MRPL45: variants seen among roughly 807,000 people sequenced by gnomAD.
The protein encoded by MRPL45 is mitochondrial ribosomal protein L45, also known as large ribosomal subunit protein mL45.
A neutral mutation model predicts 38.1 loss-of-function variants in MRPL45; 20 were observed. The ratio of observed to expected loss-of-function variants is 0.53; its 90% CI spans 0.37 to 0.76. The LOEUF is 0.76. Ranked by LOEUF, MRPL45 falls within the 30% of genes least tolerant of loss-of-function variation. MRPL45 has a pLI of 0.00. For synonymous variants in MRPL45, 105 were observed against 128.8 expected (o/e 0.82, Z 1.25); for missense variants, 337 against 395.6 (o/e 0.85, Z 1.26).
rs2036969269 is a variant in MRPL45 at position 38,299,405 on chromosome 17, T to C, written c.299T>C (p.Leu100Pro). ...PPEGDARISSLSKEGLIERTE... is the reference protein window; with the variant it reads ...PPEGDARISSPSKEGLIERTE... ...GAGGGTGATGCACGCATATCATCTC[T>C]TTCAAAGGAGGGACTGATAGAGAGA... Residue 100 changes from leucine (L) to proline (P), a missense_variant, in exon 3 of 8, where the codon CTT becomes CCT. Leu to Pro is a moderately conservative substitution (Grantham distance 98). Coordinates refer to ENST00000613675, the MANE Select transcript of MRPL45 (RefSeq NM_032351.6). 2.5e-6 allele frequency: 4 copies of C among 1,612,990 alleles called. No individual in the cohort carries two copies. The highest frequency in any genetic ancestry group is 1.1e-5 in the South Asian group (1 of 90,624).
intron 3 of MRPL45, among the ~76,000 whole-genome samples, chr17:38,301,921 T>C (rs2037000134): frequency 6.6e-6 from 1 of 150,934 alleles, no homozygotes; most frequent in Admixed American, 6.6e-5. Context: ...ATCGAGACCA[T>C]CCTGGCTAAC....
chr17:38,307,237 T>C (rs1403033701), intron 4 of MRPL45, among the ~76,000 whole-genome samples: 1 of 152,052 alleles, frequency 6.6e-6, no homozygotes, highest in African/African-American at 2.4e-5. Context: ...GGTTTCATCA[T>C]GTTGGCCAGA....
intron 4 of MRPL45, among the ~76,000 whole-genome samples, chr17:38,309,948 C>T (rs1218973182): frequency 6.6e-6 from 1 of 152,044 alleles, no homozygotes; most frequent in Non-Finnish European, 1.5e-5. Flanking sequence ...CCAAATGTGT[C>T]TTCAGCTCTT....
At chr17:38,299,714 A>G (rs1226724849) in intron 3 of MRPL45, among the ~76,000 whole-genome samples, 2 of 151,236 alleles carry the variant, frequency 1.3e-5, no homozygotes, top group Non-Finnish European at 2.9e-5. Flanking sequence ...TGGAGTGTAT[A>G]GGATCCTTTT....
intron 4 of MRPL45, among the ~76,000 whole-genome samples, chr17:38,311,177 T>C (rs2037108151): frequency 6.6e-6 from 1 of 152,188 alleles, no homozygotes; most frequent in Non-Finnish European, 1.5e-5. Context: ...AATTCCCCAT[T>C]GCCCTCTTCC....
At position 38,298,474 on chromosome 17, in the gene MRPL45, C is replaced by T. The variant is rs144913122; in HGVS notation, c.92C>T (p.Ala31Val). 1.7e-5 allele frequency: 28 copies of T among 1,613,912 alleles called. No individual in the cohort carries two copies. In the African/African-American group the frequency reaches 3.5e-4, roughly 20 times the overall value. ...CCAGTTCTGGTGACTCAGTCCGCAGCTATAGTTCCAGTAAGAACTAAAAAA... is the reference window on the plus strand; with the variant it reads ...CCAGTTCTGGTGACTCAGTCCGCAGTTATAGTTCCAGTAAGAACTAAAAAA... ...RQPVLVTQSA[A>V]IVPVRTKKRF... Residue 31 changes from alanine to valine, a missense_variant, in exon 2 of 8, where the codon GCT (alanine) becomes GTT (valine). Physicochemically the swap from Ala to Val is moderately conservative, Grantham distance 64. Coordinates refer to ENST00000613675, the MANE Select transcript of MRPL45 (RefSeq NM_032351.6).
Position 38,322,304 on chromosome 17 carries a change from G to A in MRPL45, c.834+5G>A. 1 of 1,613,812 alleles carries A rather than the reference G, an allele frequency of 6.2e-7. No homozygotes were observed. Among genetic ancestry groups the A allele is most frequent in the South Asian group, 1.1e-5 (1 of 91,068 alleles). ...CCTAAGCAGCCCATCCTTAAGGTAA[G>A]GTGGCTTGCATGGTTTAAGAGAGCT... On this transcript the variant is annotated splice_donor_5th_base_variant and intron_variant, in intron 7 of 7. Transcript: ENST00000613675.
At chr17:38,319,052 T>TA (rs2037205031) in intron 5 of MRPL45, among the ~76,000 whole-genome samples, 1 of 143,224 alleles carries the variant, frequency 7.0e-6, no homozygotes, top group Non-Finnish European at 1.5e-5. Flanking sequence ...TTTATTTATT[T>TA]TGAGATGGAG....
intron 3 of MRPL45, among the ~76,000 whole-genome samples, chr17:38,304,994 G>A (rs928145530): frequency 1.3e-5 from 2 of 151,410 alleles, no homozygotes; most frequent in Non-Finnish European, 2.9e-5. Context: ...CTACAGGCAC[G>A]TGCCATCACG....
chr17:38,307,894 C>A (rs1024579246), intron 4 of MRPL45, among the ~76,000 whole-genome samples: 10 of 151,930 alleles, frequency 6.6e-5, no homozygotes, highest in African/African-American at 2.4e-4. Context: ...CGTGATGTTG[C>A]CCAGGCTGTT....
Position 38,320,660 on chromosome 17 carries a change from T to G in MRPL45, c.553T>G (p.Phe185Val), listed in dbSNP as rs1214910361. Reference sequence around the variant, plus strand: ...CAAATATAAGACCGTCCGCTGGAGCTTTGTGGAATCTTTAGAGCCCTCTCA... The same window carrying G: ...CAAATATAAGACCGTCCGCTGGAGCGTTGTGGAATCTTTAGAGCCCTCTCA... ...DIKYKTVRWS[F>V]VESLEPSHVV... Residue 185 changes from phenylalanine to valine, a missense_variant, in exon 6 of 8, where the codon TTT (phenylalanine) becomes GTT (valine). By Grantham distance (50) the Phe-to-Val change is conservative (BLOSUM62 -1). This residue lies in a region of MRPL45 where 251 missense variants were observed against 269.1 expected (regional missense o/e 0.93). Coordinates refer to ENST00000613675, the MANE Select transcript of MRPL45 (RefSeq NM_032351.6). 20 of 1,614,174 alleles carry G rather than the reference T, an allele frequency of 1.2e-5. No homozygotes were observed. The highest frequency in any genetic ancestry group is 3.3e-4 in the Middle Eastern group (2 of 6,062).
intron 4 of MRPL45, among the ~76,000 whole-genome samples, chr17:38,317,527 A>C (rs1170441681): frequency 6.6e-6 from 1 of 152,046 alleles, no homozygotes; most frequent in Non-Finnish European, 1.5e-5. Context: ...AAAATCTTGT[A>C]TCTATAGGAG....
intron 4 of MRPL45, among the ~76,000 whole-genome samples, chr17:38,314,640 T>C (rs1215550323): frequency 6.6e-6 from 1 of 152,226 alleles, no homozygotes; most frequent in African/African-American, 2.4e-5. Flanking sequence ...AGTTTTTGTA[T>C]ATAGTGAAAA....
chr17:38,297,223 A>T lies in MRPL45; in HGVS notation c.40A>T (p.Arg14Trp), dbSNP rs2036944477. 5 of 1,613,958 alleles carry T rather than the reference A, an allele frequency of 3.1e-6. No individual in the cohort carries two copies. The South Asian group carries it at 3.3e-5, about 11-fold the overall frequency. The part of the protein sequence containing the change: ...PIPQGFSCLS[R>W]FLGWWSRQPV... ...ACCTCAAGGGTTCTCTTGTTTATCGAGGTTTTTGGGCTGGTGGTCTCGGCA... is the reference window on the plus strand; with the variant it reads ...ACCTCAAGGGTTCTCTTGTTTATCGTGGTTTTTGGGCTGGTGGTCTCGGCA... Residue 14 changes from arginine to tryptophan, a missense_variant, in exon 1 of 8, where the codon AGG becomes TGG. This residue lies in a region of MRPL45 where 26 missense variants were observed against 16.9 expected (regional missense o/e 1.54). Transcript: ENST00000613675.
chr17:38,322,398 C>A, intron 7 of MRPL45, 99 bp downstream of exon 7: 1 of 1,355,466 alleles, frequency 7.4e-7, no homozygotes, highest in Non-Finnish European at 1.0e-6. Context: ...GGGTGATGCA[C>A]CACCCAGGAA....
At chr17:38,305,745 C>T (rs1022461241) in intron 3 of MRPL45, among the ~76,000 whole-genome samples, 4 of 150,956 alleles carry the variant, frequency 2.6e-5, no homozygotes, top group African/African-American at 7.3e-5. Flanking sequence ...TGGGTTCAAG[C>T]GATTCTTGTG....
chr17:38,319,136 C>T (rs1486261641), intron 5 of MRPL45, among the ~76,000 whole-genome samples: 3 of 151,670 alleles, frequency 2.0e-5, no homozygotes, highest in East Asian at 1.9e-4. Flanking sequence ...CCCGGGTTCA[C>T]GCCATTCTCC....
intron 4 of MRPL45, among the ~76,000 whole-genome samples, chr17:38,313,313 T>A (rs1482780980): frequency 0.5 from 3,807 of 7,652 alleles, 347 homozygotes; most frequent in Middle Eastern, 0.65. Context: ...AAAAAAAAAA[T>A]ATATATATAT....
In MRPL45 at chr17:38,312,984, G is replaced by GTTTTT. The variant is rs71138604; in HGVS notation, c.462-5689_462-5685dup. Among the ~76,000 whole-genome samples the GTTTTT allele has an allele frequency of 1.8e-4, 21 of 113,672 alleles. 1 individual carries two copies. Among genetic ancestry groups the GTTTTT allele is most frequent in the Admixed American group, 5.8e-4 (5 of 8,658 alleles). 74.6% of individuals were successfully genotyped at this position (113,672 alleles called of 152,430 possible). A position where few individuals can be genotyped will look rare whatever the true frequency, so the allele number is the denominator to read the frequency against. Reference sequence around the variant, plus strand: ...ATACCTATTACTTTCCTTTTTATTGGTTTTTTTTTTTTTTTTTTGAGATGG... The same window carrying GTTTTT: ...ATACCTATTACTTTCCTTTTTATTGGTTTTTTTTTTTTTTTTTTTTTTTGAGATGG... On this transcript the variant is annotated intron_variant, in intron 4 of 7. Coordinates refer to ENST00000613675, the MANE Select transcript of MRPL45 (RefSeq NM_032351.6).
Sources: allele counts gnomAD v4.1 joint callset (sites outside exome capture counted in the v4.1 genomes callset), GRCh38; gene constraint gnomAD v4.1.1; regional missense constraint gnomAD v4.1.1; transcripts MANE v1.5; gene names NCBI Gene and HGNC (gene_info 2026-07-23, HGNC 2026-07-21).